ZMYM1: variants seen among roughly 807,000 people sequenced by gnomAD.
ZMYM1 encodes zinc finger MYM-type containing 1.
In ZMYM1, 39 loss-of-function variants were observed where a neutral mutation model predicts 60.0. The ratio of observed to expected loss-of-function variants is 0.65; its 90% CI spans 0.50 to 0.85. The LOEUF is 0.85. Ranked by LOEUF, ZMYM1 falls within the 40% of genes least tolerant of loss-of-function variation. ZMYM1 has a pLI of 0.00. For synonymous variants in ZMYM1, 413 were observed against 454.0 expected (o/e 0.91, Z 1.15); for missense variants, 1,171 against 1,309.5 (o/e 0.89, Z 1.63).
At chr1:35,106,286 C>T (rs750737778) in intron 6 of ZMYM1, among the ~76,000 whole-genome samples, 5 of 151,986 alleles carry the variant, frequency 3.3e-5, no homozygotes, top group Non-Finnish European at 7.4e-5. Context: ...TTTTGAGACC[C>T]AACTCTATCC....
At chr1:35,064,704 T>C (rs1444291821) in intron 1 of ZMYM1, among the ~76,000 whole-genome samples, 2 of 148,694 alleles carry the variant, frequency 1.3e-5, no homozygotes, top group East Asian at 3.9e-4. Flanking sequence ...TTTTTTTTTT[T>C]TTTTGAGACA....
At chr1:35,064,469 T>C (rs1641933599) in intron 1 of ZMYM1, among the ~76,000 whole-genome samples, 1 of 151,952 alleles carries the variant, frequency 6.6e-6, no homozygotes, top group South Asian at 2.1e-4. Flanking sequence ...TTTACATTTA[T>C]AGGACACTCC....
chr1:35,117,466 C>T (rs1193589770), downstream of ZMYM1, among the ~76,000 whole-genome samples: 1 of 151,862 alleles, frequency 6.6e-6, no homozygotes, highest in Non-Finnish European at 1.5e-5. Context: ...ATTACAGGTG[C>T]CCACCACCAC....
At chr1:35,062,139 A>AT (rs538943862) in intron 1 of ZMYM1, among the ~76,000 whole-genome samples, 6 of 151,814 alleles carry the variant, frequency 4.0e-5, no homozygotes, top group East Asian at 3.9e-4. Context: ...CTTATTTCCC[A>AT]TTTTTTTTAT....
chr1:35,116,566 T>C (rs1644250697), downstream of ZMYM1, among the ~76,000 whole-genome samples: 1 of 152,190 alleles, frequency 6.6e-6, no homozygotes, highest in South Asian at 2.1e-4. Flanking sequence ...CAAGTGATTG[T>C]CCTGCCTCAG....
intron 1 of ZMYM1, among the ~76,000 whole-genome samples, chr1:35,070,919 CTGT>C (rs1424181003): frequency 6.6e-6 from 1 of 151,932 alleles, no homozygotes; most frequent in East Asian, 1.9e-4. Flanking sequence ...GAGTCTCACT[CTGT>C]TGCCCAGGTT....
At position 35,097,633 on chromosome 1, in the gene ZMYM1, A is replaced by C. The variant is rs771809826; in HGVS notation, c.419+67A>C. On this transcript the variant is annotated intron_variant, in intron 4 of 9. Transcript: ENST00000359858. ...TGTTCTTGATCATAGTCTTAGTTGT[A>C]ATTTCTACATTTTCTTTTTTTATTT... 15 of 1,569,194 alleles carry C rather than the reference A, an allele frequency of 9.6e-6. No individual in the cohort carries two copies. The South Asian group carries it at 1.6e-4, about 17-fold the overall frequency.
chr1:35,064,462 A>C (rs1255217744), intron 1 of ZMYM1, among the ~76,000 whole-genome samples: 2 of 152,154 alleles, frequency 1.3e-5, no homozygotes, highest in African/African-American at 4.8e-5. Flanking sequence ...GATCTAATTT[A>C]CATTTATAGG....
upstream of ZMYM1, among the ~76,000 whole-genome samples, chr1:35,078,781 T>A (rs1271695998): frequency 6.6e-6 from 1 of 152,002 alleles, no homozygotes; most frequent in Non-Finnish European, 1.5e-5. Flanking sequence ...ATTCCTGAAC[T>A]CAAGCAGTCC....
intron 4 of ZMYM1, among the ~76,000 whole-genome samples, chr1:35,103,715 C>G (rs1199646744): frequency 6.6e-6 from 1 of 152,146 alleles, no homozygotes; most frequent in East Asian, 1.9e-4. Context: ...TTTGCAACAT[C>G]AGTTGCAAAG....
chr1:35,072,047 T>C (rs1642077048), intron 1 of ZMYM1, among the ~76,000 whole-genome samples: 1 of 152,142 alleles, frequency 6.6e-6, no homozygotes, highest in Non-Finnish European at 1.5e-5. Context: ...GGCAGGAGAA[T>C]TCCTTGAACC....
chr1:35,099,220 T>C (rs1202453789), intron 4 of ZMYM1, among the ~76,000 whole-genome samples: 1 of 152,242 alleles, frequency 6.6e-6, no homozygotes. Flanking sequence ...CTTCAGGTCT[T>C]ATTCCATGGC....
At chr1:35,097,256 G>T (rs780833482) in intron 3 of ZMYM1, 61 bp from the exon 4 acceptor site, 16 of 1,508,300 alleles carry the variant, frequency 1.1e-5, no homozygotes, top group Non-Finnish European at 1.4e-5. Flanking sequence ...GAAAATAAAG[G>T]AATGCCTACT....
intron 2 of ZMYM1, among the ~76,000 whole-genome samples, chr1:35,094,918 A>G (rs1396797225): frequency 6.6e-6 from 1 of 152,168 alleles, no homozygotes; most frequent in Admixed American, 6.5e-5. Flanking sequence ...AAAGAAAAAA[A>G]TCACTAAAAA....
chr1:35,089,197 T>C (rs1351293740), intron 1 of ZMYM1, among the ~76,000 whole-genome samples: 2 of 152,168 alleles, frequency 1.3e-5, no homozygotes, highest in African/African-American at 4.8e-5. Flanking sequence ...TGTTTTATCT[T>C]ACGAATAACA....
At chr1:35,083,674 G>T (rs970704882) in intron 1 of ZMYM1, among the ~76,000 whole-genome samples, 9 of 151,986 alleles carry the variant, frequency 5.9e-5, no homozygotes, top group African/African-American at 2.2e-4. Context: ...GGTGTGCAGT[G>T]GTGCGATCAT....
upstream of ZMYM1, among the ~76,000 whole-genome samples, chr1:35,075,113 G>A (rs553347707): frequency 7.1e-4 from 108 of 152,150 alleles, no homozygotes; most frequent in African/African-American, 2.5e-3. Context: ...ATATCCTCTT[G>A]TTAAATTGAC....
At chr1:35,109,702 C>T (rs543345938) in intron 6 of ZMYM1, among the ~76,000 whole-genome samples, 4 of 152,058 alleles carry the variant, frequency 2.6e-5, no homozygotes, top group Non-Finnish European at 5.9e-5. Flanking sequence ...ATCCAGTAGG[C>T]TTTGACTGCC....
chr1:35,079,356 C>G (rs1642240367), upstream of ZMYM1: 1 of 152,238 alleles, frequency 6.6e-6, no homozygotes, highest in African/African-American at 2.4e-5. Flanking sequence ...CCGCAGAGCA[C>G]GACGGGAGAG....
Sources: allele counts gnomAD v4.1 joint callset (sites outside exome capture counted in the v4.1 genomes callset), GRCh38; gene constraint gnomAD v4.1.1; transcripts MANE v1.5; gene names NCBI Gene and HGNC (gene_info 2026-07-23, HGNC 2026-07-21).